The following KIAA1549L variants were observed in gnomAD, a reference collection of about 807,000 sequenced individuals.
KIAA1549L encodes the protein KIAA1549 like.
In KIAA1549L, 88 loss-of-function variants were observed where a neutral mutation model predicts 160.7. The ratio of observed to expected loss-of-function variants is 0.55; its 90% CI spans 0.46 to 0.65. The LOEUF is 0.65. Among genes scored for constraint, KIAA1549L ranks in the 30% least tolerant of loss-of-function variants. KIAA1549L has a pLI of 0.00. For missense variants in KIAA1549L, 2,258 were observed against 2,437.5 expected (o/e 0.93, Z 1.55); for synonymous variants, 950 against 976.7 (o/e 0.97, Z 0.51).
At chr11:33,552,920 C>T (rs781416877) in intron 6 of KIAA1549L, among the ~76,000 whole-genome samples, 1 of 152,080 alleles carries the variant, frequency 6.6e-6, no homozygotes, top group African/African-American at 2.4e-5. Context: ...CACGTCAATG[C>T]AGTGTAGAAA....
chr11:33,644,846 T>C (rs1851673926), intron 16 of KIAA1549L, among the ~76,000 whole-genome samples: 1 of 152,204 alleles, frequency 6.6e-6, no homozygotes, highest in African/African-American at 2.4e-5. Context: ...TCCAGACTGG[T>C]GGAATAAACT....
At chr11:33,426,341 A>G (rs909890800) in intron 1 of KIAA1549L, among the ~76,000 whole-genome samples, 1 of 152,186 alleles carries the variant, frequency 6.6e-6, no homozygotes, top group African/African-American at 2.4e-5. Context: ...ATCCTGTTTT[A>G]TGGGAAGTAG....
At chr11:33,657,968 T>C (rs1852125757) in intron 18 of KIAA1549L, among the ~76,000 whole-genome samples, 1 of 152,164 alleles carries the variant, frequency 6.6e-6, no homozygotes. Context: ...TCTCTCCCAT[T>C]GGGCTAATTT....
At chr11:33,470,395 C>T (rs930589330) in intron 1 of KIAA1549L, among the ~76,000 whole-genome samples, 11 of 152,114 alleles carry the variant, frequency 7.2e-5, no homozygotes, top group Admixed American at 4.6e-4. Flanking sequence ...TATGCCACTG[C>T]CACACTGTAG....
intron 9 of KIAA1549L, among the ~76,000 whole-genome samples, chr11:33,569,766 C>T (rs1855181204): frequency 6.6e-6 from 1 of 152,170 alleles, no homozygotes; most frequent in East Asian, 1.9e-4. Context: ...GGTGGTTAAG[C>T]TTGCGTGTCA....
In KIAA1549L at chr11:33,518,138, C is replaced by CAAAAAAAA. The variant is rs560876643; in HGVS notation, c.239-23643_239-23636dup. On this transcript the variant is annotated intron_variant, in intron 1 of 20. Coordinates refer to ENST00000658780, the MANE Select transcript of KIAA1549L (RefSeq NM_012194.3). The stretch of plus-strand genomic sequence containing the variant: ...TGAGCAACAGAGCAAGACTCTGTCT[C>CAAAAAAAA]AAAAAAAAAAAAAAAAAAAAAAAAA... 9.3e-3 allele frequency among the ~76,000 whole-genome samples: 551 copies of CAAAAAAAA among 59,374 alleles called. 45 individuals are homozygous for CAAAAAAAA. Among genetic ancestry groups the CAAAAAAAA allele is most frequent in the African/African-American group, 0.034 (512 of 15,230 alleles). The allele number at this position is 59,374 out of a possible 152,430, so 39.0% of individuals were successfully genotyped here. A position where few individuals can be genotyped will look rare whatever the true frequency, so the allele number is the denominator to read the frequency against.
chr11:33,391,320 G>A (rs2134048045), intron 1 of KIAA1549L, among the ~76,000 whole-genome samples: 1 of 152,314 alleles, frequency 6.6e-6, no homozygotes, highest in Non-Finnish European at 1.5e-5. Flanking sequence ...GCTTCCAGAT[G>A]TCAGCAGCTC....
intron 13 of KIAA1549L, 116 bp downstream of exon 13, chr11:33,599,063 C>T (rs1460382732): frequency 2.4e-6 from 3 of 1,241,340 alleles, no homozygotes; most frequent in East Asian, 5.0e-5. Flanking sequence ...GACCCTCAGT[C>T]GTTCTTTCTA....
intron 11 of KIAA1549L, among the ~76,000 whole-genome samples, chr11:33,584,943 T>C (rs1855762922): frequency 6.6e-6 from 1 of 152,164 alleles, no homozygotes; most frequent in Non-Finnish European, 1.5e-5. Context: ...ATGTCGGCCA[T>C]GGAGATCGTC....
At chr11:33,486,596 A>G (rs1481576619) in intron 1 of KIAA1549L, among the ~76,000 whole-genome samples, 2 of 152,212 alleles carry the variant, frequency 1.3e-5, no homozygotes, top group East Asian at 3.8e-4. Flanking sequence ...TACTCAGAAC[A>G]ATGTTTTATT....
At chr11:33,395,569 ATTTT>A (rs1251527602) in intron 1 of KIAA1549L, among the ~76,000 whole-genome samples, 1 of 152,002 alleles carries the variant, frequency 6.6e-6, no homozygotes, top group Admixed American at 6.6e-5. Flanking sequence ...GGAAGGCTTT[ATTTT>A]TTATTTCCTT....
chr11:33,378,679 C>G (rs1039948547), intron 1 of KIAA1549L, among the ~76,000 whole-genome samples: 2 of 152,202 alleles, frequency 1.3e-5, no homozygotes, highest in African/African-American at 4.8e-5. Flanking sequence ...TGCTGTCCCC[C>G]TTTATGACCA....
chr11:33,465,427 G>A (rs959990783), intron 1 of KIAA1549L, among the ~76,000 whole-genome samples: 3 of 152,124 alleles, frequency 2.0e-5, no homozygotes, highest in African/African-American at 7.2e-5. Flanking sequence ...GCCTTGCTCA[G>A]GGGCTCCACT....
intron 13 of KIAA1549L, among the ~76,000 whole-genome samples, chr11:33,604,241 A>C (rs1850440181): frequency 6.6e-6 from 1 of 152,184 alleles, no homozygotes; most frequent in Non-Finnish European, 1.5e-5. Context: ...TCAGGGTCTC[A>C]TGAGGTCATA....
At chr11:33,564,424 G>A (rs972136310) in intron 8 of KIAA1549L, among the ~76,000 whole-genome samples, 1 of 152,180 alleles carries the variant, frequency 6.6e-6, no homozygotes, top group Non-Finnish European at 1.5e-5. Context: ...ATAGGTTTTT[G>A]CAAACTGCAC....
At chr11:33,663,025 G>A (rs148464220) in intron 20 of KIAA1549L, among the ~76,000 whole-genome samples, 46 of 152,324 alleles carry the variant, frequency 3.0e-4, no homozygotes, top group African/African-American at 1.1e-3. Flanking sequence ...TAAGCAGGGA[G>A]GCGTGCCCAT....
At chr11:33,571,613 G>T (rs994000228) in intron 9 of KIAA1549L, among the ~76,000 whole-genome samples, 3 of 152,028 alleles carry the variant, frequency 2.0e-5, no homozygotes, top group African/African-American at 4.8e-5. Flanking sequence ...GAAAGAGGGT[G>T]GGGGGAGGCT....
Position 33,672,567 on chromosome 11 carries a change from A to T in KIAA1549L, c.*4413A>T, listed in dbSNP as rs1852699509. 1 of 153,776 alleles carries T rather than the reference A, an allele frequency of 6.5e-6. No individual in the cohort carries two copies. The highest frequency in any genetic ancestry group is 2.4e-5 in the African/African-American group (1 of 41,420). The allele number at this position is 153,776 out of a possible 1,614,324, so 9.5% of individuals were successfully genotyped here. A position where few individuals can be genotyped will look rare whatever the true frequency, so the allele number is the denominator to read the frequency against. ...AAGACCTTCAAAAAGAACCTACTAC[A>T]CACTGGAACTGACTAGTACTCCTGG... On this transcript the variant is annotated 3_prime_UTR_variant, in exon 21 of 21. Transcript: ENST00000658780.
At chr11:33,465,048 T>A (rs1852025022) in intron 1 of KIAA1549L, among the ~76,000 whole-genome samples, 1 of 107,696 alleles carries the variant, frequency 9.3e-6, no homozygotes, top group Non-Finnish European at 1.9e-5. Flanking sequence ...ACCTTCTTCT[T>A]TTTTTTTTTT....
Sources: allele counts gnomAD v4.1 joint callset (sites outside exome capture counted in the v4.1 genomes callset), GRCh38; gene constraint gnomAD v4.1.1; transcripts MANE v1.5; gene names NCBI Gene and HGNC (gene_info 2026-07-23, HGNC 2026-07-21).